The following HIC1 variants were observed in gnomAD, a reference collection of about 807,000 sequenced individuals.
HIC1 encodes the protein HIC ZBTB transcriptional repressor 1, also known as hypermethylated in cancer 1 protein.
HIC1 carries 9 observed loss-of-function variants against 26.4 expected under a neutral mutation model. The ratio of observed to expected loss-of-function variants is 0.34; its 90% CI spans 0.21 to 0.59. The LOEUF (loss-of-function observed/expected upper bound fraction) is 0.59. HIC1 is among the 20% of genes least tolerant of loss of function. HIC1 has a pLI of 0.82. For missense variants in HIC1, 965 were observed against 1,075.7 expected (o/e 0.90, Z 1.44); for synonymous variants, 631 against 523.1 (o/e 1.21, Z -2.81).
At chr17:2,056,232 G>A (rs1046315885) in intron 1 of HIC1, 1 of 1,275,660 alleles carries the variant, frequency 7.8e-7, no homozygotes, top group African/African-American at 1.5e-5. Flanking sequence ...CCCCCAACTG[G>A]GGCAACTTCT....
At position 2,061,488 on chromosome 17, in the gene HIC1, TC is replaced by T. The variant is rs1597309867; in HGVS notation, c.*2656del. ...CACGGGGGGGGGGCCCCAGTGTGGCTCCCTCAGCCCACCTGGGCCCACGTGA... is the reference window on the plus strand; with the variant it reads ...CACGGGGGGGGGGCCCCAGTGTGGCTCCTCAGCCCACCTGGGCCCACGTGA... On this transcript the variant is annotated 3_prime_UTR_variant, in exon 2 of 2. Transcript: ENST00000619757. 1 of 1,562,250 alleles carries T rather than the reference TC, an allele frequency of 6.4e-7. No individual in the cohort carries two copies. Among genetic ancestry groups the T allele is most frequent in the East Asian group, 2.4e-5 (1 of 42,284 alleles).
Position 2,057,336 on chromosome 17 carries a change from C to A in HIC1, c.646C>A (p.Arg216Ser). 1 of 1,499,676 alleles carries A rather than the reference C, an allele frequency of 6.7e-7. No homozygotes were observed. The highest frequency in any genetic ancestry group is 8.8e-7 in the Non-Finnish European group (1 of 1,133,228). 92.9% of individuals were successfully genotyped at this position (1,499,676 alleles called of 1,614,324 possible). ...PAAALCASERRCSPLCGLDLS... is the reference protein window; with the variant it reads ...PAAALCASERSCSPLCGLDLS... The stretch of plus-strand genomic sequence containing the variant: ...CGCCGCACTCTGTGCCTCGGAGCGC[C>A]GCTGCTCCCCTCTTTGTGGCCTGGA... Residue 216 changes from arginine (R) to serine (S), a missense_variant, in exon 2 of 2, where the codon CGC (arginine) becomes AGC (serine). This residue lies in a region of HIC1 where 526 missense variants were observed against 525.0 expected (regional missense o/e 1.00). Coordinates refer to ENST00000619757, the MANE Select transcript of HIC1 (RefSeq NM_006497.4).
Position 2,061,287 on chromosome 17 carries a change from T to G in HIC1, c.*2452T>G, listed in dbSNP as rs1597309055. On this transcript the variant is annotated 3_prime_UTR_variant, in exon 2 of 2. Transcript: ENST00000619757. ...GCTAAATCCTGGCAGCCCAGGAGGG[T>G]CCCAGCAGCTTCCGCCCGATCCTTG... The G allele has an allele frequency of 3.6e-6, 2 of 553,450 alleles. No homozygotes were observed. The highest frequency in any genetic ancestry group is 2.1e-5 in the South Asian group (1 of 47,392). The allele number at this position is 553,450 out of a possible 1,614,324, so 34.3% of individuals were successfully genotyped here. A position where few individuals can be genotyped will look rare whatever the true frequency, so the allele number is the denominator to read the frequency against.
At chr17:2,056,521 G>A (rs1282385061) in intron 1 of HIC1, 150 bp from the exon 2 acceptor site, 3 of 1,348,480 alleles carry the variant, frequency 2.2e-6, no homozygotes, top group African/African-American at 2.9e-5. Flanking sequence ...CCACTCCAGA[G>A]GGCAGCCGGT....
In HIC1 at chr17:2,060,970, A is replaced by G. The variant is rs573071108; in HGVS notation, c.*2135A>G. The stretch of plus-strand genomic sequence containing the variant: ...CCGACTTGGGTTCATGGGCGAGTCC[A>G]GGCCTCAGGGAGACTGGGGACACAC... On this transcript the variant is annotated 3_prime_UTR_variant, in exon 2 of 2. Transcript: ENST00000619757. 4.5e-5 allele frequency: 7 copies of G among 154,640 alleles called. No homozygotes were observed. Among genetic ancestry groups the G allele is most frequent in the South Asian group, 2.0e-4 (1 of 5,114 alleles). The allele number at this position is 154,640 out of a possible 1,614,324, so 9.6% of individuals were successfully genotyped here.
Position 2,060,503 on chromosome 17 carries a change from TAG to T in HIC1, c.*1673_*1674del, listed in dbSNP as rs1312014658. The T allele has an allele frequency of 6.6e-6, 1 of 151,908 alleles. No individual in the cohort carries two copies. The highest frequency in any genetic ancestry group is 1.5e-5 in the Non-Finnish European group (1 of 68,018). The allele number at this position is 151,908 out of a possible 1,614,324, so 9.4% of individuals were successfully genotyped here. On this transcript the variant is annotated 3_prime_UTR_variant, in exon 2 of 2. Coordinates refer to ENST00000619757, the MANE Select transcript of HIC1 (RefSeq NM_006497.4). Reference sequence around the variant, plus strand: ...TGTACTAGGTTCCTGCCATGGGTAGTAGAGAGGGAAAGTTCAGAGTGAGAACC... The same window carrying T: ...TGTACTAGGTTCCTGCCATGGGTAGTAGAGGGAAAGTTCAGAGTGAGAACC...
At position 2,059,440 on chromosome 17, in the gene HIC1, G is replaced by C. The variant is rs1444757642; in HGVS notation, c.*605G>C. 1 of 167,316 alleles carries C rather than the reference G, an allele frequency of 6.0e-6. No individual in the cohort carries two copies. The highest frequency in any genetic ancestry group is 1.9e-4 in the East Asian group (1 of 5,198). The allele number at this position is 167,316 out of a possible 1,614,324, so 10.4% of individuals were successfully genotyped here. A position where few individuals can be genotyped will look rare whatever the true frequency, so the allele number is the denominator to read the frequency against. ...GCGGGGAGTTCTGGAGTCGGAAGGCGAAGAGCCTACCACCAGGTCTCCCAC... is the reference window on the plus strand; with the variant it reads ...GCGGGGAGTTCTGGAGTCGGAAGGCCAAGAGCCTACCACCAGGTCTCCCAC... On this transcript the variant is annotated 3_prime_UTR_variant, in exon 2 of 2. Coordinates refer to ENST00000619757, the MANE Select transcript of HIC1 (RefSeq NM_006497.4).
At position 2,058,486 on chromosome 17, in the gene HIC1, C is replaced by T; in HGVS notation, c.1796C>T (p.Ala599Val). ...ATGAAGATGCACGCCGTGGGGGGCG[C>T]GGCCGGCGCGGCCGGGGCGCTGGCG... is the stretch of plus-strand genomic sequence containing the variant. ...SHMKMHAVGG[A>V]AGAAGALAGL... is the part of the protein sequence containing the mutation. The change falls in exon 2 of 2, where the codon GCG (alanine) becomes GTG (valine). Residue 599 changes from alanine (A) to valine (V), a missense_variant. This residue lies in a region of HIC1 where 210 missense variants were observed against 179.2 expected (regional missense o/e 1.17). Coordinates refer to ENST00000619757, the MANE Select transcript of HIC1 (RefSeq NM_006497.4). The T allele has an allele frequency of 6.8e-7, 1 of 1,475,888 alleles. No individual in the cohort carries two copies. The highest frequency in any genetic ancestry group is 8.9e-7 in the Non-Finnish European group (1 of 1,122,762). 91.4% of individuals were successfully genotyped at this position (1,475,888 alleles called of 1,614,324 possible).
At position 2,057,625 on chromosome 17, in the gene HIC1, G is replaced by A. The variant is rs868456300; in HGVS notation, c.935G>A (p.Trp312Ter). The A allele has an allele frequency of 1.3e-6, 2 of 1,514,866 alleles. No homozygotes were observed. The highest frequency in any genetic ancestry group is 1.2e-5 in the South Asian group (1 of 81,956). 93.8% of individuals were successfully genotyped at this position (1,514,866 alleles called of 1,614,324 possible). A position where few individuals can be genotyped will look rare whatever the true frequency, so the allele number is the denominator to read the frequency against. ...RPDGPSLLYR[W>*]MKHEPGLGSY... Reference sequence around the variant, plus strand: ...GACGGGCCTAGTCTCCTCTATCGCTGGATGAAGCACGAGCCGGGCCTGGGT... The same window carrying A: ...GACGGGCCTAGTCTCCTCTATCGCTAGATGAAGCACGAGCCGGGCCTGGGT... The change falls in exon 2 of 2, where the codon TGG (tryptophan) becomes TAG (stop). Residue 312 changes from tryptophan (W) to a stop codon, truncating the protein, a stop_gained. Transcript: ENST00000619757. LOFTEE classifies it high-confidence loss of function.
intron 1 of HIC1, chr17:2,056,419 C>T (rs988986411): frequency 8.0e-6 from 12 of 1,509,056 alleles, no homozygotes; most frequent in Admixed American, 1.7e-5. Context: ...AGCCAGGTGC[C>T]CTGGGGCGTG....
rs1567561836 is a variant in HIC1, at chr17:2,061,319, G to C, written c.*2484G>C. 3.1e-6 allele frequency: 2 copies of C among 646,572 alleles called. No homozygotes were observed. Among genetic ancestry groups the C allele is most frequent in the East Asian group, 5.9e-5 (2 of 33,646 alleles). The allele number at this position is 646,572 out of a possible 1,614,324, so 40.1% of individuals were successfully genotyped here. On this transcript the variant is annotated 3_prime_UTR_variant, in exon 2 of 2. Coordinates refer to ENST00000619757, the MANE Select transcript of HIC1 (RefSeq NM_006497.4). ...AGCTTCCGCCCGATCCTTGGGAGGGGCTCTGTGAGGAGCAGGTCCCCCACA... is the reference window on the plus strand; with the variant it reads ...AGCTTCCGCCCGATCCTTGGGAGGGCCTCTGTGAGGAGCAGGTCCCCCACA...
rs1178099328 is a variant in HIC1 at position 2,057,851 on chromosome 17, C to T, written c.1161C>T (p.Ser387=). The T allele has an allele frequency of 6.3e-7, 1 of 1,587,018 alleles. No homozygotes were observed. The change falls in exon 2 of 2, where the codon AGC becomes AGT. Residue 387 remains serine, a synonymous_variant. Coordinates refer to ENST00000619757, the MANE Select transcript of HIC1 (RefSeq NM_006497.4). ...YKSSSEETGS[S]EDPSPPGGHL... ...GCAGCAGCGAGGAGACCGGTAGCAG[C>T]GAGGACCCCAGCCCGCCTGGCGGCC... is the stretch of plus-strand genomic sequence containing the variant.
In HIC1 at chr17:2,057,879, C is replaced by A; in HGVS notation, c.1189C>A (p.Leu397Ile). 1 of 1,599,464 alleles carries A rather than the reference C, an allele frequency of 6.3e-7. No individual in the cohort carries two copies. Among genetic ancestry groups the A allele is most frequent in the Middle Eastern group, 1.7e-4 (1 of 6,034 alleles). Reference sequence around the variant, plus strand: ...GGACCCCAGCCCGCCTGGCGGCCACCTCGAGGGCTACCCATGCCCGCACCT... The same window carrying A: ...GGACCCCAGCCCGCCTGGCGGCCACATCGAGGGCTACCCATGCCCGCACCT... Reference protein sequence around the residue: ...SEDPSPPGGHLEGYPCPHLAY... With the variant: ...SEDPSPPGGHIEGYPCPHLAY... The change falls in exon 2 of 2, where the codon CTC becomes ATC. Residue 397 changes from leucine to isoleucine, a missense_variant. Coordinates refer to ENST00000619757, the MANE Select transcript of HIC1 (RefSeq NM_006497.4).
chr17:2,056,473 T>A lies in HIC1; in HGVS notation c.-20-198T>A, dbSNP rs534087336. On this transcript the variant is annotated intron_variant, in intron 1 of 1. Coordinates refer to ENST00000619757, the MANE Select transcript of HIC1 (RefSeq NM_006497.4). ...CCTCCACCGGCGGCCGCTCACCTCC[T>A]GCTCCTTCTCCTGGTCCGGGCGGGC... 513 of 1,341,318 alleles carry A rather than the reference T, an allele frequency of 3.8e-4. 2 individuals carry two copies. The highest frequency in any genetic ancestry group is 4.9e-4 in the Non-Finnish European group (465 of 939,568). The allele number at this position is 1,341,318 out of a possible 1,614,324, so 83.1% of individuals were successfully genotyped here. A position where few individuals can be genotyped will look rare whatever the true frequency, so the allele number is the denominator to read the frequency against.
Position 2,055,992 on chromosome 17 carries a change from C to T in HIC1, c.-20-679C>T, listed in dbSNP as rs2067668563. On this transcript the variant is annotated intron_variant, in intron 1 of 1. Transcript: ENST00000619757. This position sits in a 1 kb window ranked among gnomAD's most constrained non-coding sequence, Gnocchi z 6.4. ...CGCCCGGGGCGCTGCCCCCTCCCTC[C>T]CCTGGGAGCTGCGTGGCTCCCCCCT... is the stretch of plus-strand genomic sequence containing the variant. Among the ~76,000 whole-genome samples, 1 of 147,674 alleles carries T rather than the reference C, an allele frequency of 6.8e-6. No homozygotes were observed. Among genetic ancestry groups the T allele is most frequent in the Non-Finnish European group, 1.5e-5 (1 of 66,204 alleles).
At position 2,057,593 on chromosome 17, in the gene HIC1, C is replaced by T. The variant is rs1381845550; in HGVS notation, c.903C>T (p.Gly301=). Residue 301 remains glycine, a synonymous_variant, in exon 2 of 2, where the codon GGC becomes GGT. Coordinates refer to ENST00000619757, the MANE Select transcript of HIC1 (RefSeq NM_006497.4). ...GSGSPGPEPP[G]RPDGPSLLYR... is the part of the protein sequence containing the mutation. ...GCAGCCCGGGACCCGAGCCCCCCGG[C>T]CGCCCCGACGGGCCTAGTCTCCTCT... The T allele has an allele frequency of 2.0e-6, 3 of 1,505,486 alleles. No homozygotes were observed. The highest frequency in any genetic ancestry group is 2.6e-6 in the Non-Finnish European group (3 of 1,132,746). 93.3% of individuals were successfully genotyped at this position (1,505,486 alleles called of 1,614,324 possible). A position where few individuals can be genotyped will look rare whatever the true frequency, so the allele number is the denominator to read the frequency against.
chr17:2,056,887 A>G lies in HIC1; in HGVS notation c.197A>G (p.Asp66Gly), dbSNP rs776342843. ...LVVHDNLLNL[D>G]HDMVSPAVFR... ...GTGCATGACAACCTGCTCAACCTGG[A>G]CCATGACATGGTGAGCCCGGCCGTG... The change falls in exon 2 of 2, where the codon GAC becomes GGC. Residue 66 changes from aspartate to glycine, a missense_variant. By Grantham distance (94) the Asp-to-Gly change is moderately conservative. Around this residue, in one of 6 missense-constraint regions of HIC1, gnomAD observed 64 missense variants for 114.0 expected, o/e 0.56. Transcript: ENST00000619757. The G allele has an allele frequency of 1.9e-6, 3 of 1,612,870 alleles. No individual in the cohort carries two copies. The highest frequency in any genetic ancestry group is 2.5e-6 in the Non-Finnish European group (3 of 1,179,916).
Position 2,061,469 on chromosome 17 carries a change from G to GA in HIC1, c.*2634_*2635insA, listed in dbSNP as rs199666681. ...GGCCTTTCAGGAACGGTTCCACGGG[G>GA]GGGGGGCCCCAGTGTGGCTCCCTCA... On this transcript the variant is annotated 3_prime_UTR_variant, in exon 2 of 2. Coordinates refer to ENST00000619757, the MANE Select transcript of HIC1 (RefSeq NM_006497.4). 1.9e-6 allele frequency: 3 copies of GA among 1,566,852 alleles called. No individual in the cohort carries two copies. The highest frequency in any genetic ancestry group is 4.7e-5 in the East Asian group (2 of 42,672).
At chr17:2,056,400 C>T in intron 1 of HIC1, 1 of 1,573,320 alleles carries the variant, frequency 6.4e-7, no homozygotes, top group African/African-American at 1.3e-5. Context: ...CTCGGAAGCC[C>T]CAGCACCCAG....
Sources: gnomAD v4.1 joint callset for allele counts (sites outside exome capture counted in the v4.1 genomes callset) on GRCh38, gnomAD v4.1.1 for gene constraint, gnomAD v4.1.1 regional missense constraint, Gnocchi (gnomAD v3.1) non-coding constraint, MANE v1.5 for transcripts, NCBI Gene and HGNC (gene_info 2026-07-23, HGNC 2026-07-21) for gene names.